Variants in ZNF536 observed in about 807,000 individuals in gnomAD.
ZNF536 encodes the protein zinc finger protein 536.
ZNF536 carries 13 observed loss-of-function variants against 84.5 expected under a neutral mutation model. The observed-to-expected ratio is 0.15, with a 90% CI of 0.10 to 0.24. The LOEUF (loss-of-function observed/expected upper bound fraction) is 0.24, where lower values mean the gene tolerates loss of function less well. ZNF536 is among the 10% of genes least tolerant of loss of function. ZNF536 has a pLI of 1.00. For synonymous variants in ZNF536, 811 were observed against 742.5 expected (o/e 1.09, Z -1.50); for missense variants, 1,536 against 1,747.5 (o/e 0.88, Z 2.16).
chr19:30,244,687 G>T (rs1441711481), intron 1 of ZNF536, among the ~76,000 whole-genome samples: 1 of 152,184 alleles, frequency 6.6e-6, no homozygotes, highest in Non-Finnish European at 1.5e-5. Flanking sequence ...TGCCCCTGAA[G>T]CTTTTAGCAC....
At chr19:30,549,682 GT>G (rs1284568438) in intron 4 of ZNF536, among the ~76,000 whole-genome samples, 168 bp downstream of exon 4, 1 of 152,134 alleles carries the variant, frequency 6.6e-6, no homozygotes, top group African/African-American at 2.4e-5. Flanking sequence ...AGTCCATTTT[GT>G]TTAGAAGTTT....
intron 1 of ZNF536, among the ~76,000 whole-genome samples, chr19:30,648,658 G>A (rs1483932064): frequency 2.0e-5 from 3 of 152,150 alleles, no homozygotes; most frequent in Non-Finnish European, 4.4e-5. Context: ...GCTGTTCCCC[G>A]TCCCTCATCC....
downstream of ZNF536, among the ~76,000 whole-genome samples, chr19:30,561,561 G>A (rs921439996): frequency 3.3e-5 from 5 of 152,176 alleles, no homozygotes; most frequent in African/African-American, 4.8e-5. Flanking sequence ...AGCAGGGAAG[G>A]GAGACAGAGA....
chr19:30,709,333 C>T (rs1336543367), intron 1 of ZNF536, among the ~76,000 whole-genome samples: 1 of 152,258 alleles, frequency 6.6e-6, no homozygotes, highest in Non-Finnish European at 1.5e-5. Context: ...TCGCTGCTGC[C>T]CCTGAGACCC....
At chr19:30,547,876 C>A (rs2146169384) in intron 3 of ZNF536, 67 bp from the exon 4 acceptor site, 1 of 1,497,530 alleles carries the variant, frequency 6.7e-7, no homozygotes, top group Admixed American at 2.4e-5. Context: ...GTTGATCCTT[C>A]CAGCCTCGTT....
chr19:30,349,011 G>A (rs2146678929), intron 2 of ZNF536, among the ~76,000 whole-genome samples: 1 of 152,272 alleles, frequency 6.6e-6, no homozygotes, highest in South Asian at 2.1e-4. Context: ...GACACAAAGG[G>A]AAGGGCCTTC....
At chr19:30,376,946 G>C (rs1171338277) in intron 1 of ZNF536, among the ~76,000 whole-genome samples, 1 of 152,182 alleles carries the variant, frequency 6.6e-6, no homozygotes, top group Non-Finnish European at 1.5e-5. Context: ...ATGGCCAACA[G>C]GTGTTTGCAG....
At chr19:30,391,943 T>A (rs1359867901) in intron 1 of ZNF536, among the ~76,000 whole-genome samples, 1 of 152,142 alleles carries the variant, frequency 6.6e-6, no homozygotes, top group Non-Finnish European at 1.5e-5. Context: ...GTCTTAGACA[T>A]CTCTCTAGCC....
At chr19:30,327,238 C>T (rs1004517393) in intron 2 of ZNF536, among the ~76,000 whole-genome samples, 3 of 152,158 alleles carry the variant, frequency 2.0e-5, no homozygotes, top group East Asian at 3.9e-4. Flanking sequence ...GAAATTAATC[C>T]AGGAGGAGTG....
chr19:30,497,286 C>T (rs1568487376), intron 2 of ZNF536, among the ~76,000 whole-genome samples: 1 of 152,312 alleles, frequency 6.6e-6, no homozygotes, highest in East Asian at 1.9e-4. Context: ...CTTTCTAGTG[C>T]ATTTACATTT....
At chr19:30,687,813 A>C (rs1344462985) in intron 1 of ZNF536, among the ~76,000 whole-genome samples, 1 of 151,740 alleles carries the variant, frequency 6.6e-6, no homozygotes, top group Non-Finnish European at 1.5e-5. Context: ...GAATATGCCT[A>C]GTATTTCATT....
intron 2 of ZNF536, among the ~76,000 whole-genome samples, chr19:30,314,887 C>T (rs914223785): frequency 1.3e-5 from 2 of 152,154 alleles, no homozygotes; most frequent in African/African-American, 4.8e-5. Flanking sequence ...CTGCAGGGTA[C>T]CCAGCCCCGA....
At chr19:30,596,114 C>T (rs1453109281) in intron 1 of ZNF536, among the ~76,000 whole-genome samples, 1 of 152,118 alleles carries the variant, frequency 6.6e-6, no homozygotes, top group Admixed American at 6.5e-5. Flanking sequence ...GTTCTTTCTT[C>T]TTATAGACCT....
intron 1 of ZNF536, among the ~76,000 whole-genome samples, chr19:30,664,564 G>A (rs767515560): frequency 8.5e-5 from 13 of 152,236 alleles, no homozygotes; most frequent in Non-Finnish European, 1.3e-4. Context: ...GAATCTCACC[G>A]GAAAATAGAG....
intron 2 of ZNF536, among the ~76,000 whole-genome samples, chr19:30,472,596 A>G (rs967661879): frequency 6.6e-6 from 1 of 152,176 alleles, no homozygotes; most frequent in Non-Finnish European, 1.5e-5. Context: ...GGATAAACGC[A>G]CTTCGAGGCA....
At chr19:30,235,799 G>A (rs2023449612) in intron 1 of ZNF536, among the ~76,000 whole-genome samples, 1 of 152,212 alleles carries the variant, frequency 6.6e-6, no homozygotes, top group African/African-American at 2.4e-5. Context: ...AAGTCTTACT[G>A]CAATTAGAGC....
At chr19:30,278,056 G>A (rs1467760247) in intron 1 of ZNF536, among the ~76,000 whole-genome samples, 2 of 152,198 alleles carry the variant, frequency 1.3e-5, no homozygotes, top group Non-Finnish European at 2.9e-5. Context: ...GTTTTGAAAT[G>A]TAGGTTTTAT....
chr19:30,413,268 T>C (rs1308033375), intron 1 of ZNF536, among the ~76,000 whole-genome samples: 1 of 152,146 alleles, frequency 6.6e-6, no homozygotes, highest in Non-Finnish European at 1.5e-5. Flanking sequence ...ATCAGGTGTA[T>C]TTTTATTACC....
intron 1 of ZNF536, among the ~76,000 whole-genome samples, chr19:30,572,862 G>A (rs1355493447): frequency 2.6e-5 from 4 of 152,214 alleles, no homozygotes; most frequent in Non-Finnish European, 4.4e-5. Flanking sequence ...AGTATCACAT[G>A]TATCACATGG....
Sources: allele counts gnomAD v4.1 joint callset (sites outside exome capture counted in the v4.1 genomes callset), GRCh38; gene constraint gnomAD v4.1.1; transcripts MANE v1.5; gene names NCBI Gene and HGNC (gene_info 2026-07-23, HGNC 2026-07-21).